Variants in PRH1 observed in about 807,000 individuals in gnomAD.
The protein encoded by PRH1 is salivary acidic proline-rich phosphoprotein 1/2.
In PRH1, 7 loss-of-function variants were observed where a neutral mutation model predicts 7.9. The ratio of observed to expected loss-of-function variants is 0.89; its 90% CI spans 0.50 to 1.67. The LOEUF (loss-of-function observed/expected upper bound fraction) is 1.67. Among genes scored for constraint, PRH1 ranks in the 40% most tolerant of loss-of-function variants. PRH1 has a pLI of 0.00. For missense variants in PRH1, 109 were observed against 223.6 expected (o/e 0.49, Z 3.27); for synonymous variants, 45 against 80.8 (o/e 0.56, Z 2.38).
chr12:10,977,165 C>G (rs200017539), intron 1 of PRH1, among the ~76,000 whole-genome samples: 2 of 151,992 alleles, frequency 1.3e-5, no homozygotes, highest in African/African-American at 4.8e-5. Flanking sequence ...AAAAAGTACT[C>G]AAAAAATACT....
intron 1 of PRH1, among the ~76,000 whole-genome samples, chr12:10,991,129 C>G (rs562588780): frequency 8.6e-4 from 131 of 152,162 alleles, no homozygotes; most frequent in Non-Finnish European, 1.2e-3. Context: ...CAGAAAGTAA[C>G]TAAGGTTATG....
chr12:10,985,941 G>C lies in PRH1; in HGVS notation c.-125-12220C>G, dbSNP rs756906704. 1.9e-6 allele frequency: 3 copies of C among 1,583,570 alleles called. No homozygotes were observed. The South Asian group carries it at 3.6e-5, about 19-fold the overall frequency. ...GTCCCACTTGTGAATCTAGAGAGTT[G>C]AGAGTTTCAGGTCTTTTACTCAGCA... is the stretch of plus-strand genomic sequence containing the variant. On this transcript the variant is annotated intron_variant, in intron 1 of 3. Coordinates refer to the PRH1 transcript ENST00000539853.
chr12:11,161,431 C>T (rs1413064755), intron 1 of PRH1, among the ~76,000 whole-genome samples: 2 of 152,142 alleles, frequency 1.3e-5, no homozygotes, highest in Non-Finnish European at 2.9e-5. Context: ...CACGATGGCA[C>T]ATGTGGTGTA....
intron 1 of PRH1, among the ~76,000 whole-genome samples, chr12:11,025,386 G>A (rs539479066): frequency 1.1e-4 from 16 of 152,348 alleles, no homozygotes; most frequent in South Asian, 1.0e-3. Flanking sequence ...TTAATCCATT[G>A]AATTCCTGCT....
chr12:11,008,210 A>G (rs1022014060), intron 1 of PRH1, among the ~76,000 whole-genome samples: 1 of 152,016 alleles, frequency 6.6e-6, no homozygotes, highest in Non-Finnish European at 1.5e-5. Context: ...TTCTACTTCA[A>G]CTCTCTAGAG....
At chr12:10,938,472 A>G (rs756818827) in intron 2 of PRH1, 2 of 1,614,108 alleles carry the variant, frequency 1.2e-6, no homozygotes, top group Non-Finnish European at 1.7e-6. Flanking sequence ...ATGAAAAAAG[A>G]CAGAGAGAAA....
intron 2 of PRH1, chr12:10,908,482 A>T: frequency 6.2e-7 from 1 of 1,613,914 alleles, no homozygotes; most frequent in Non-Finnish European, 8.5e-7. Context: ...CTTGAAGGAG[A>T]GAAGACTCCA....
chr12:10,939,255 C>T (rs3863321), intron 2 of PRH1: 1 of 1,070,168 alleles, frequency 9.3e-7, no homozygotes, highest in Non-Finnish European at 1.3e-6. Flanking sequence ...CTGAAGACTT[C>T]TTAATGCATT....
intron 2 of PRH1, among the ~76,000 whole-genome samples, chr12:10,920,308 T>G (rs4360779): frequency 2.0e-5 from 3 of 150,540 alleles, no homozygotes; most frequent in African/African-American, 7.5e-5. Context: ...GTTTTGTCAA[T>G]TTGAAAATAA....
chr12:11,073,932 C>G (rs532182402), intron 1 of PRH1, among the ~76,000 whole-genome samples: 1 of 120,596 alleles, frequency 8.3e-6, no homozygotes, highest in East Asian at 2.0e-4. Flanking sequence ...AACATTAATC[C>G]AAGCAAAAAG....
At chr12:11,083,566 T>G (rs1186272950) in intron 1 of PRH1, among the ~76,000 whole-genome samples, 1 of 28,756 alleles carries the variant, frequency 3.5e-5, no homozygotes, top group Non-Finnish European at 1.1e-4. Context: ...AAGGTCTAAA[T>G]GTACAGTAAA....
chr12:11,009,626 A>G (rs1940980450), intron 1 of PRH1, among the ~76,000 whole-genome samples: 1 of 151,722 alleles, frequency 6.6e-6, no homozygotes, highest in African/African-American at 2.4e-5. Context: ...TCTATTCCCA[A>G]CTCTGGTCAG....
At chr12:10,957,641 T>C (rs1938037472) in intron 2 of PRH1, among the ~76,000 whole-genome samples, 1 of 151,962 alleles carries the variant, frequency 6.6e-6, no homozygotes, top group Non-Finnish European at 1.5e-5. Context: ...ACCTGCAGAA[T>C]GGGAGAAAAT....
chr12:11,007,284 CA>C (rs1248898319), intron 1 of PRH1, among the ~76,000 whole-genome samples: 1 of 151,980 alleles, frequency 6.6e-6, no homozygotes, highest in Non-Finnish European at 1.5e-5. Context: ...TTATTGTTAA[CA>C]AGCTCATAAA....
intron 2 of PRH1, chr12:10,929,268 T>C (rs763007116): frequency 1.2e-6 from 2 of 1,614,100 alleles, no homozygotes; most frequent in Admixed American, 1.7e-5. Flanking sequence ...CAGAGCCTTC[T>C]GCAAGATGCT....
chr12:11,071,988 A>G (rs1200338265), intron 1 of PRH1, among the ~76,000 whole-genome samples: 2 of 152,006 alleles, frequency 1.3e-5, no homozygotes, highest in African/African-American at 4.8e-5. Flanking sequence ...TAAATTCATT[A>G]CTTTTGAACC....
At chr12:11,114,507 T>C (rs191984105) in intron 1 of PRH1, among the ~76,000 whole-genome samples, 59 of 152,160 alleles carry the variant, frequency 3.9e-4, no homozygotes, top group Non-Finnish European at 6.6e-4. Context: ...CTGGGCCTTT[T>C]AGGGTGAGGG....
intron 1 of PRH1, among the ~76,000 whole-genome samples, chr12:10,998,498 T>C (rs1274599064): frequency 2.6e-5 from 4 of 152,058 alleles, no homozygotes; most frequent in Non-Finnish European, 5.9e-5. Flanking sequence ...AACCAATACT[T>C]CTATATGGCA....
intron 1 of PRH1, among the ~76,000 whole-genome samples, chr12:11,085,310 A>C (rs1449405224): frequency 6.6e-6 from 1 of 150,390 alleles, no homozygotes; most frequent in Non-Finnish European, 1.5e-5. Context: ...AACTCCTTAA[A>C]AGGACTCAAA....
Sources: gnomAD v4.1 joint callset for allele counts (sites outside exome capture counted in the v4.1 genomes callset) on GRCh38, gnomAD v4.1.1 for gene constraint, MANE v1.5 for transcripts, NCBI Gene and HGNC (gene_info 2026-07-23, HGNC 2026-07-21) for gene names.